Variants in ZNF814 observed in about 807,000 individuals in gnomAD.
ZNF814 encodes zinc finger protein 814.
ZNF814 carries 5 observed loss-of-function variants against 7.5 expected under a neutral mutation model. The observed-to-expected ratio is 0.67, with a 90% CI of 0.35 to 1.40. ZNF814 has a LOEUF of 1.40. Among genes scored for constraint, ZNF814 ranks in the 40% most tolerant of loss-of-function variants. The pLI is 0.04. For missense variants in ZNF814, 962 were observed against 1,018.0 expected, an observed-to-expected ratio of 0.94 and a Z score of 0.75; for synonymous variants, 315 against 340.7, an observed-to-expected ratio of 0.92 and a Z score of 0.83.
the ZNF814 span, among the ~76,000 whole-genome samples, chr19:57,904,664 G>A: frequency 1.3e-5 from 2 of 152,076 alleles, no homozygotes; most frequent in Admixed American, 6.5e-5. Flanking sequence ...TTGTAATCTC[G>A]TAACTTTCCA....
At chr19:57,899,833 T>A in the ZNF814 span, among the ~76,000 whole-genome samples, 3 of 152,192 alleles carry the variant, frequency 2.0e-5, no homozygotes, top group Non-Finnish European at 4.4e-5. Context: ...TACTCTGTAT[T>A]CAGATCAAAT....
chr19:57,883,936 T>C (rs1209972419), intron 1 of ZNF814, among the ~76,000 whole-genome samples: 1 of 152,058 alleles, frequency 6.6e-6, no homozygotes, highest in Admixed American at 6.5e-5. Flanking sequence ...TTTGTATTTT[T>C]AGTAGAGATG....
In ZNF814 at chr19:57,888,653, C is replaced by G; in HGVS notation, c.36+114G>C. The G allele has an allele frequency of 3.0e-6, 4 of 1,355,176 alleles. No homozygotes were observed. The South Asian group carries it at 5.1e-5, about 17-fold the overall frequency. 83.9% of individuals were successfully genotyped at this position (1,355,176 alleles called of 1,614,324 possible). A position where few individuals can be genotyped will look rare whatever the true frequency, so the allele number is the denominator to read the frequency against. On this transcript the variant is annotated intron_variant, in intron 1 of 2. Transcript: ENST00000435989. ...AGAAATGGGGCCCCTCCCGCAAGCG[C>G]CTCAGTGTCCCAACGCCGGCGTCCG... is the stretch of plus-strand genomic sequence containing the variant.
chr19:57,876,499 TC>T (rs2071608691), intron 2 of ZNF814: 1 of 241,512 alleles, frequency 4.1e-6, no homozygotes, highest in Non-Finnish European at 7.9e-6. Flanking sequence ...AAGGAGAATT[TC>T]TAAAGAAGGT....
rs2071548257 is a variant in ZNF814, at chr19:57,870,477, C to A, written c.*2345G>T. Reference sequence around the variant, plus strand: ...GGCCACATCACTGAACTGAGATCTCCCTTCTCCCTATCATCTTCCTCCTGT... The same window carrying A: ...GGCCACATCACTGAACTGAGATCTCACTTCTCCCTATCATCTTCCTCCTGT... On this transcript the variant is annotated 3_prime_UTR_variant, in exon 3 of 3. Transcript: ENST00000435989. 6.6e-6 allele frequency: 1 copy of A among 152,124 alleles called. No individual in the cohort carries two copies. Among genetic ancestry groups the A allele is most frequent in the African/African-American group, 2.4e-5 (1 of 41,422 alleles). 9.4% of individuals were successfully genotyped at this position (152,124 alleles called of 1,614,324 possible). A position where few individuals can be genotyped will look rare whatever the true frequency, so the allele number is the denominator to read the frequency against.
the ZNF814 span, among the ~76,000 whole-genome samples, chr19:57,897,583 G>A: frequency 6.6e-6 from 1 of 152,280 alleles, no homozygotes; most frequent in East Asian, 1.9e-4. Flanking sequence ...AACAAACCAA[G>A]GCATATCCGC....
At chr19:57,891,089 T>A (rs1337842552), upstream of ZNF814, among the ~76,000 whole-genome samples, 1 of 152,094 alleles carries the variant, frequency 6.6e-6, no homozygotes, top group Non-Finnish European at 1.5e-5. Flanking sequence ...AAGATGGCCA[T>A]GAGAGTGACC....
chr19:57,874,628 A>G lies in ZNF814; in HGVS notation c.762T>C (p.Tyr254=), dbSNP rs1568518154. The G allele has an allele frequency of 6.4e-7, 1 of 1,554,296 alleles. No homozygotes were observed. Among genetic ancestry groups the G allele is most frequent in the Non-Finnish European group, 8.7e-7 (1 of 1,148,118 alleles). The change falls in exon 3 of 3, where the codon TAT becomes TAC. Residue 254 remains tyrosine, a synonymous_variant. Coordinates refer to ENST00000435989, the MANE Select transcript of ZNF814 (RefSeq NM_001144989.2). ...CCECGKSFSK[Y]ASLSNHQRVH... ...CTCTCTGATGATTACTCAAGCTAGC[A>G]TATTTGCTAAAGGACTTCCCACATT... is the stretch of plus-strand genomic sequence containing the variant.
chr19:57,873,291 T>G lies in ZNF814; in HGVS notation c.2099A>C (p.Lys700Thr), dbSNP rs752698367. 1.1e-5 allele frequency: 18 copies of G among 1,592,078 alleles called. No individual in the cohort carries two copies. The highest frequency in any genetic ancestry group is 3.3e-4 in the Middle Eastern group (2 of 6,066). ...TCTCTGGTGTACAAGGAGGTGAGACTTCTTCTTAAATAATTTTCCACATTC... is the reference window on the plus strand; with the variant it reads ...TCTCTGGTGTACAAGGAGGTGAGACGTCTTCTTAAATAATTTTCCACATTC... ...CRECGKLFKK[K>T]SHLLVHQRIH... is the part of the protein sequence containing the mutation. Residue 700 changes from lysine (K) to threonine (T), a missense_variant, in exon 3 of 3, where the codon AAG (lysine) becomes ACG (threonine). Around this residue, in one of 7 missense-constraint regions of ZNF814, gnomAD observed 665 missense variants for 551.4 expected, o/e 1.21. Coordinates refer to ENST00000435989, the MANE Select transcript of ZNF814 (RefSeq NM_001144989.2).
At chr19:57,884,248 T>C (rs914573959) in intron 1 of ZNF814, among the ~76,000 whole-genome samples, 12 of 152,286 alleles carry the variant, frequency 7.9e-5, no homozygotes, top group African/African-American at 2.2e-4. Context: ...CCAGAATATA[T>C]AGAGTTCAAA....
Position 57,874,140 on chromosome 19 carries a change from A to G in ZNF814, c.1250T>C (p.Phe417Ser), listed in dbSNP as rs2071583151. Reference protein sequence around the residue: ...HYECGECGKSFSQKSSLIQHQ... With the variant: ...HYECGECGKSSSQKSSLIQHQ... ...TTGAATGAGGCTGCTCTTTTGACTA[A>G]AGGATTTCCCACATTCTCCACATTC... The change falls in exon 3 of 3, where the codon TTT (phenylalanine) becomes TCT (serine). Residue 417 changes from phenylalanine to serine, a missense_variant. By Grantham distance (155) the Phe-to-Ser change is radical (BLOSUM62 -2). Coordinates refer to ENST00000435989, the MANE Select transcript of ZNF814 (RefSeq NM_001144989.2). 2 of 1,596,406 alleles carry G rather than the reference A, an allele frequency of 1.3e-6. No homozygotes were observed. Among genetic ancestry groups the G allele is most frequent in the Non-Finnish European group, 1.7e-6 (2 of 1,171,236 alleles).
At chr19:57,900,839 A>ATTTTTTTTTTTTTTTTTTTTTTTTTTT in the ZNF814 span, among the ~76,000 whole-genome samples, 19 of 45,774 alleles carry the variant, frequency 4.2e-4, 5 homozygotes, top group East Asian at 7.8e-4. Context: ...CCATGGCTGC[A>ATTTTTTTTTTTTTTTTTTTTTTTTTTT]TTTTTTTTTT....
At position 57,876,912 on chromosome 19, in the gene ZNF814, T is replaced by A. The variant is rs2071611287; in HGVS notation, c.163+4A>T. 1.2e-6 allele frequency: 2 copies of A among 1,614,070 alleles called. No individual in the cohort carries two copies. Among genetic ancestry groups the A allele is most frequent in the Non-Finnish European group, 8.5e-7 (1 of 1,179,960 alleles). ...AGGTCACAGGGTGAGTGTGAGCAAC[T>A]TACCCAGGGAGGATATAAGTGCCAG... On this transcript the variant is annotated splice_donor_region_variant and intron_variant, in intron 2 of 2. Transcript: ENST00000435989.
chr19:57,872,000 T>G lies in ZNF814; in HGVS notation c.*822A>C, dbSNP rs2071560406. ...AGTGCATGCCTGTGGTTTCAGCTAC[T>G]CAGGAGGCCGAGGCAACAGAATCAC... On this transcript the variant is annotated 3_prime_UTR_variant, in exon 3 of 3. Coordinates refer to ENST00000435989, the MANE Select transcript of ZNF814 (RefSeq NM_001144989.2). Among the ~76,000 whole-genome samples the G allele has an allele frequency of 6.6e-6, 1 of 151,960 alleles. No individual in the cohort carries two copies.
At position 57,874,892 on chromosome 19, in the gene ZNF814, T is replaced by G; in HGVS notation, c.498A>C (p.Ser166=). Residue 166 remains serine, a synonymous_variant, in exon 3 of 3, where the codon TCA becomes TCC. Transcript: ENST00000435989. Reference sequence around the variant, plus strand: ...TCTCACTGAAGACAGATGACTCCCCTGACACATGCAACTTACACCTCTTTG... The same window carrying G: ...TCTCACTGAAGACAGATGACTCCCCGGACACATGCAACTTACACCTCTTTG... ...LFAKRCKLHV[S]GESSVFSESG... 6.2e-7 allele frequency: 1 copy of G among 1,614,060 alleles called. No homozygotes were observed. The highest frequency in any genetic ancestry group is 8.5e-7 in the Non-Finnish European group (1 of 1,179,898).
At chr19:57,875,514 T>G (rs918585566) in intron 2 of ZNF814, among the ~76,000 whole-genome samples, 1 of 152,236 alleles carries the variant, frequency 6.6e-6, no homozygotes, top group African/African-American at 2.4e-5. Context: ...AGAATTTATG[T>G]CCTCATGACA....
the ZNF814 span, among the ~76,000 whole-genome samples, chr19:57,900,839 ATTTTTTTTTTTT>A: frequency 1.5e-4 from 7 of 45,774 alleles, no homozygotes; most frequent in East Asian, 5.4e-3. Context: ...CCATGGCTGC[ATTTTTTTTTTTT>A]TTTTTTTTTT....
In ZNF814 at chr19:57,869,682, C is replaced by T. The variant is rs1263269423; in HGVS notation, c.*3140G>A. 2 of 152,154 alleles carry T rather than the reference C, an allele frequency of 1.3e-5. No homozygotes were observed. The highest frequency in any genetic ancestry group is 2.9e-5 in the Non-Finnish European group (2 of 68,036). The allele number at this position is 152,154 out of a possible 1,614,324, so 9.4% of individuals were successfully genotyped here. ...ACTTCAGACTGGCAGCAGTGGCTCA[C>T]ACCTGTATTCCCACCACTCTGGGAG... On this transcript the variant is annotated 3_prime_UTR_variant, in exon 3 of 3. Coordinates refer to ENST00000435989, the MANE Select transcript of ZNF814 (RefSeq NM_001144989.2).
chr19:57,873,084 T>C lies in ZNF814; in HGVS notation c.2306A>G (p.Glu769Gly). ...ACATTCACTGCACTCATAAGGCTTT[T>C]CTCCAGTGTGAATTCGCTTATGAAC... ...FCVHKRIHTG[E>G]KPYECSECGK... The change falls in exon 3 of 3, where the codon GAA becomes GGA. Residue 769 changes from glutamate (E) to glycine (G), a missense_variant. Around this residue, in one of 7 missense-constraint regions of ZNF814, gnomAD observed 665 missense variants for 551.4 expected, o/e 1.21. Coordinates refer to ENST00000435989, the MANE Select transcript of ZNF814 (RefSeq NM_001144989.2). 1 of 1,613,908 alleles carries C rather than the reference T, an allele frequency of 6.2e-7. No individual in the cohort carries two copies. The highest frequency in any genetic ancestry group is 8.5e-7 in the Non-Finnish European group (1 of 1,179,954).
Sources: allele counts gnomAD v4.1 joint callset (sites outside exome capture counted in the v4.1 genomes callset), GRCh38; gene constraint gnomAD v4.1.1; regional missense constraint gnomAD v4.1.1; transcripts MANE v1.5; gene names NCBI Gene and HGNC (gene_info 2026-07-23, HGNC 2026-07-21).